The following CDH13 variants were observed in gnomAD, a reference collection of about 807,000 sequenced individuals.
CDH13 encodes the protein cadherin 13, also known as cadherin-13.
Under a neutral mutation model 63.8 loss-of-function variants are expected in CDH13, and 24 were observed. That is an observed-to-expected ratio of 0.38 (90% confidence interval 0.27 to 0.53). CDH13 has a LOEUF of 0.53. Among genes scored for constraint, CDH13 ranks in the 20% least tolerant of loss-of-function variants. The pLI is 0.85. For missense variants in CDH13, 1,049 were observed against 903.1 expected (o/e 1.16, Z -2.07); for synonymous variants, 503 against 355.3 (o/e 1.42, Z -4.67).
At chr16:83,488,157 T>C (rs559126080) in intron 7 of CDH13, among the ~76,000 whole-genome samples, 1 of 152,328 alleles carries the variant, frequency 6.6e-6, no homozygotes, top group East Asian at 1.9e-4. Flanking sequence ...CACAGACACA[T>C]CTCAAGTGCT....
At chr16:83,450,224 G>A (rs891990758) in intron 6 of CDH13, among the ~76,000 whole-genome samples, 1 of 152,224 alleles carries the variant, frequency 6.6e-6, no homozygotes, top group South Asian at 2.1e-4. Flanking sequence ...ACCCACCTGT[G>A]AGGCCCATAA....
At chr16:82,898,308 C>A (rs1182849464) in intron 2 of CDH13, among the ~76,000 whole-genome samples, 1 of 152,038 alleles carries the variant, frequency 6.6e-6, no homozygotes, top group Admixed American at 6.6e-5. Context: ...GTGGATCACC[C>A]GAGATCAGGA....
At chr16:83,212,044 C>T (rs2039353799) in intron 4 of CDH13, among the ~76,000 whole-genome samples, 2 of 152,134 alleles carry the variant, frequency 1.3e-5, no homozygotes, top group Admixed American at 6.5e-5. Flanking sequence ...AGACTCGTGG[C>T]AGGGTTTGCT....
chr16:82,840,684 C>CAAAAA (rs753429857), intron 1 of CDH13, among the ~76,000 whole-genome samples: 22 of 86,674 alleles, frequency 2.5e-4, no homozygotes, highest in Non-Finnish European at 3.5e-4. Context: ...GAATCCATCT[C>CAAAAA]AAAAAAAAAA....
intron 6 of CDH13, among the ~76,000 whole-genome samples, chr16:83,370,259 G>C (rs2151397259): frequency 6.6e-6 from 1 of 152,038 alleles, no homozygotes. Context: ...GCGGTGGCGG[G>C]CGGCTATAGT....
chr16:83,533,316 C>G (rs1486095843), intron 7 of CDH13, among the ~76,000 whole-genome samples: 1 of 152,344 alleles, frequency 6.6e-6, no homozygotes, highest in South Asian at 2.1e-4. Flanking sequence ...AACCTCACCA[C>G]TGAGCGGAAG....
At chr16:83,362,381 T>C (rs2091178937) in intron 6 of CDH13, among the ~76,000 whole-genome samples, 1 of 152,222 alleles carries the variant, frequency 6.6e-6, no homozygotes, top group Non-Finnish European at 1.5e-5. Context: ...TCCTGACCTA[T>C]TTCAGCAAAA....
intron 6 of CDH13, among the ~76,000 whole-genome samples, chr16:83,369,543 C>G (rs986678592): frequency 2.6e-5 from 4 of 152,090 alleles, no homozygotes; most frequent in Admixed American, 1.3e-4. Context: ...CTCAGCCTCC[C>G]CAGCAGCTAG....
intron 1 of CDH13, among the ~76,000 whole-genome samples, chr16:82,651,149 G>A (rs1441177348): frequency 6.6e-6 from 1 of 152,160 alleles, no homozygotes; most frequent in Non-Finnish European, 1.5e-5. Context: ...GCAAGACTAT[G>A]AACAACCATC....
Position 83,780,193 on chromosome 16 carries a change from A to G in CDH13, c.1907A>G (p.Lys636Arg). The change falls in exon 12 of 14, where the codon AAG becomes AGG. Residue 636 changes from lysine (K) to arginine (R), a missense_variant. By Grantham distance (26) the Lys-to-Arg change is conservative. Coordinates refer to ENST00000567109, the MANE Select transcript of CDH13 (RefSeq NM_001257.5). ...AVPDKVWKIS[K>R]INNTHALVSL... ...CCTGATAAAGTCTGGAAGATCTCCA[A>G]GATCAACAGTAAGTCTGGCTAAAGC... 2 of 1,590,072 alleles carry G rather than the reference A, an allele frequency of 1.3e-6. No individual in the cohort carries two copies. The highest frequency in any genetic ancestry group is 2.3e-5 in the South Asian group (2 of 88,240).
In CDH13 at chr16:83,014,154, G is replaced by T. The variant is rs145648173; in HGVS notation, c.158-17856G>T. Among the ~76,000 whole-genome samples the T allele has an allele frequency of 2.2e-3, 333 of 151,894 alleles. 1 individual carries two copies. The highest frequency in any genetic ancestry group is 7.6e-3 in the African/African-American group (313 of 41,428). On this transcript the variant is annotated intron_variant, in intron 2 of 13. Transcript: ENST00000567109. ...AGGCAATTCACACACACAAAAAAAGGAAATAGAATTGCCGATATTATAAAA... is the reference window on the plus strand; with the variant it reads ...AGGCAATTCACACACACAAAAAAAGTAAATAGAATTGCCGATATTATAAAA...
Position 83,798,123 on chromosome 16 carries a change from A to C in CDH13, c.*3093A>C, listed in dbSNP as rs1023329850. ...TAGAAATTTTGATAGCTCATTCCAG[A>C]GTTTCAGAATGTCATTTAAAACAGT... On this transcript the variant is annotated 3_prime_UTR_variant, in exon 14 of 14. Coordinates refer to ENST00000567109, the MANE Select transcript of CDH13 (RefSeq NM_001257.5). 2.6e-5 allele frequency: 4 copies of C among 152,248 alleles called. No homozygotes were observed. The highest frequency in any genetic ancestry group is 9.6e-5 in the African/African-American group (4 of 41,460). 9.4% of individuals were successfully genotyped at this position (152,248 alleles called of 1,614,324 possible).
intron 2 of CDH13, among the ~76,000 whole-genome samples, chr16:82,971,766 T>G (rs1021028350): frequency 6.6e-6 from 1 of 152,204 alleles, no homozygotes; most frequent in African/African-American, 2.4e-5. Context: ...AACATTTAAG[T>G]TCATTGGATT....
chr16:82,776,077 G>T (rs59834465), intron 1 of CDH13, among the ~76,000 whole-genome samples: 2,411 of 152,260 alleles, frequency 0.016, 57 homozygotes, highest in African/African-American at 0.055. Flanking sequence ...GAGGACAGTG[G>T]TGCATGCCTA....
At chr16:82,818,700 A>AT (rs1315576656) in intron 1 of CDH13, among the ~76,000 whole-genome samples, 5 of 152,188 alleles carry the variant, frequency 3.3e-5, no homozygotes, top group African/African-American at 9.7e-5. Context: ...TCCAAAAAAA[A>AT]GGCAGTGACG....
intron 2 of CDH13, among the ~76,000 whole-genome samples, chr16:82,935,026 CCTCGGTACCAATTTG>C (rs1422151658): frequency 2.0e-5 from 3 of 152,188 alleles, no homozygotes; most frequent in African/African-American, 7.2e-5. Flanking sequence ...CACCCCGCTC[CCTCGGTACCAATTTG>C]CTTTATTAGT....
chr16:83,154,238 C>T (rs1254370854), intron 4 of CDH13, among the ~76,000 whole-genome samples: 1 of 152,014 alleles, frequency 6.6e-6, no homozygotes, highest in Non-Finnish European at 1.5e-5. Flanking sequence ...AACTGATCTG[C>T]AATGAACCTG....
chr16:83,252,772 C>G (rs894094252), intron 5 of CDH13, among the ~76,000 whole-genome samples: 8 of 152,050 alleles, frequency 5.3e-5, no homozygotes, highest in Admixed American at 5.2e-4. Flanking sequence ...GCTCAGTATC[C>G]TACCGTTCAC....
At chr16:83,352,673 G>A (rs890911040) in intron 6 of CDH13, among the ~76,000 whole-genome samples, 7 of 152,124 alleles carry the variant, frequency 4.6e-5, no homozygotes, top group Non-Finnish European at 8.8e-5. Flanking sequence ...GGTGGATCAC[G>A]AGGTCAGGAG....
Sources: gnomAD v4.1 joint callset for allele counts (sites outside exome capture counted in the v4.1 genomes callset) on GRCh38, gnomAD v4.1.1 for gene constraint, MANE v1.5 for transcripts, NCBI Gene and HGNC (gene_info 2026-07-23, HGNC 2026-07-21) for gene names.